Variants in SIK3 observed in about 807,000 individuals in gnomAD.
SIK3 encodes serine/threonine-protein kinase SIK3.
A neutral mutation model predicts 144.2 loss-of-function variants in SIK3; 28 were observed. The ratio of observed to expected loss-of-function variants is 0.19; its 90% CI spans 0.14 to 0.27. The LOEUF is 0.27. Among genes scored for constraint, SIK3 ranks in the 10% least tolerant of loss-of-function variants. SIK3 has a pLI of 1.00. For synonymous variants in SIK3, 686 were observed against 676.3 expected, an observed-to-expected ratio of 1.01 and a Z score of -0.22; for missense variants, 1,319 against 1,776.0, an observed-to-expected ratio of 0.74 and a Z score of 4.62.
At chr11:116,990,491 T>C (rs1325380153) in intron 1 of SIK3, among the ~76,000 whole-genome samples, 1 of 152,226 alleles carries the variant, frequency 6.6e-6, no homozygotes, top group African/African-American at 2.4e-5. Context: ...ATACGTGGTC[T>C]AATACCTTAG....
intron 22 of SIK3, among the ~76,000 whole-genome samples, chr11:116,848,303 C>T (rs546528465): frequency 3.3e-5 from 5 of 152,062 alleles, no homozygotes; most frequent in South Asian, 2.1e-4. Context: ...GCCGAGATTG[C>T]GCCACTGCAC....
At chr11:116,887,308 C>T (rs1944874855) in intron 6 of SIK3, among the ~76,000 whole-genome samples, 1 of 147,728 alleles carries the variant, frequency 6.8e-6, no homozygotes, top group Non-Finnish European at 1.5e-5. Context: ...TAATTTAGAT[C>T]ATGTTAATAA....
intron 1 of SIK3, chr11:117,035,735 T>G: frequency 8.6e-7 from 1 of 1,167,138 alleles, no homozygotes; most frequent in Non-Finnish European, 1.3e-6. Context: ...TTTTAATTTT[T>G]TTTTTTAATC....
intron 1 of SIK3, among the ~76,000 whole-genome samples, chr11:117,044,816 G>A (rs977985501): frequency 1.3e-5 from 2 of 152,104 alleles, no homozygotes; most frequent in African/African-American, 4.8e-5. Flanking sequence ...ACAGGAGTTC[G>A]AGGCTGCAGT....
intron 3 of SIK3, among the ~76,000 whole-genome samples, chr11:116,931,957 A>G (rs1203527603): frequency 6.6e-6 from 1 of 152,150 alleles, no homozygotes; most frequent in East Asian, 1.9e-4. Flanking sequence ...ACTACCTCTT[A>G]CCGGGCTTCT....
In SIK3 at chr11:116,844,642, A is replaced by ATATATATAATATATATATTATATATATAT. The variant is rs1565345727; in HGVS notation, c.*1000_*1001insATATATATATAATATATATATTATATATA. 1 of 79,496 alleles carries ATATATATAATATATATATTATATATATAT rather than the reference A, an allele frequency of 1.3e-5. No homozygotes were observed. Among genetic ancestry groups the ATATATATAATATATATATTATATATATAT allele is most frequent in the Non-Finnish European group, 2.0e-5 (1 of 50,154 alleles). The allele number at this position is 79,496 out of a possible 1,614,324, so 4.9% of individuals were successfully genotyped here. A position where few individuals can be genotyped will look rare whatever the true frequency, so the allele number is the denominator to read the frequency against. ...TAATATATATATAATATATTATATT[A>ATATATATAATATATATATTATATATATAT]TATATTATATATATAATATATATAT... On this transcript the variant is annotated 3_prime_UTR_variant, in exon 25 of 25. Transcript: ENST00000445177.
At chr11:116,851,812 C>CA (rs1942475478) in intron 21 of SIK3, among the ~76,000 whole-genome samples, 1 of 152,222 alleles carries the variant, frequency 6.6e-6, no homozygotes, top group Non-Finnish European at 1.5e-5. Context: ...CAGGGCCAAC[C>CA]AAAAACCACT....
intron 1 of SIK3, among the ~76,000 whole-genome samples, chr11:116,990,608 G>A (rs1443947155): frequency 2.6e-5 from 4 of 152,140 alleles, no homozygotes; most frequent in African/African-American, 4.8e-5. Context: ...CCAGACACAA[G>A]TATCTCCAAC....
At chr11:116,859,703 G>C (rs1343500236) in intron 19 of SIK3, 99 bp from the exon 20 acceptor site, 13 of 1,006,314 alleles carry the variant, frequency 1.3e-5, no homozygotes, top group Admixed American at 2.5e-5. Context: ...ATACCAGCTA[G>C]AACAGTGCTT....
rs2134397008 is a variant in SIK3 at position 116,858,551 on chromosome 11, G to A, written c.2914C>T (p.Pro972Ser). Residue 972 changes from proline (P) to serine (S), a missense_variant, in exon 21 of 25, where the codon CCA becomes TCA. Physicochemically the swap from Pro to Ser is moderately conservative, Grantham distance 74. Coordinates refer to ENST00000445177, the MANE Select transcript of SIK3 (RefSeq NM_001366686.3). This position sits in a 1 kb window ranked among gnomAD's most constrained non-coding sequence, Gnocchi z 5.4. Reference sequence around the variant, plus strand: ...GGGAAGGTGGGGAATTGGTCAAGTGGAGGGACTTTCAGGGCTTGGGTTGGA... The same window carrying A: ...GGGAAGGTGGGGAATTGGTCAAGTGAAGGGACTTTCAGGGCTTGGGTTGGA... ...FSPTQALKVPPLDQFPTFPPS... is the reference protein window; with the variant it reads ...FSPTQALKVPSLDQFPTFPPS... 1 of 1,613,852 alleles carries A rather than the reference G, an allele frequency of 6.2e-7. No homozygotes were observed. The highest frequency in any genetic ancestry group is 8.5e-7 in the Non-Finnish European group (1 of 1,179,944).
At chr11:117,020,712 T>C (rs921569047) in intron 1 of SIK3, among the ~76,000 whole-genome samples, 14 of 152,164 alleles carry the variant, frequency 9.2e-5, no homozygotes, top group Non-Finnish European at 1.3e-4. Flanking sequence ...GCACCCCAGC[T>C]CTACCGGGAT....
intron 1 of SIK3, among the ~76,000 whole-genome samples, chr11:117,050,681 T>C (rs1815787): frequency 0.83 from 125,827 of 151,770 alleles, 52,777 homozygotes; most frequent in Non-Finnish European, 0.89. Context: ...GAGTGAGACT[T>C]CATCTCAAAA....
rs754883415 is a variant in SIK3, at chr11:116,844,591, T to TA, written c.*1051dup. The TA allele has an allele frequency of 1.2e-3, 118 of 96,210 alleles. No individual in the cohort carries two copies. The highest frequency in any genetic ancestry group is 4.4e-3 in the African/African-American group (114 of 25,656). 6.0% of individuals were successfully genotyped at this position (96,210 alleles called of 1,614,324 possible). On this transcript the variant is annotated 3_prime_UTR_variant, in exon 25 of 25. Coordinates refer to ENST00000445177, the MANE Select transcript of SIK3 (RefSeq NM_001366686.3). ...GCTGAAAGAGGAGAGCATATATATA[T>TA]ATATTTTATATATATATTATATATA... is the stretch of plus-strand genomic sequence containing the variant.
intron 1 of SIK3, among the ~76,000 whole-genome samples, chr11:116,998,924 A>G (rs970476299): frequency 1.3e-5 from 2 of 152,232 alleles, no homozygotes; most frequent in African/African-American, 2.4e-5. Context: ...AATCAAACTA[A>G]AAGTGTATAG....
rs1293409466 is a variant in SIK3 at position 116,858,420 on chromosome 11, G to T, written c.3045C>A (p.His1015Gln). The change falls in exon 21 of 25, where the codon CAC becomes CAA. Residue 1015 changes from histidine to glutamine, a missense_variant. By Grantham distance (24) the His-to-Gln change is conservative. Coordinates refer to ENST00000445177, the MANE Select transcript of SIK3 (RefSeq NM_001366686.3). This position sits in a 1 kb window ranked among gnomAD's most constrained non-coding sequence, Gnocchi z 5.4. ...GGGGAGAAAGCAGTCCTTGAAGGAT[G>T]TGGGGTACCTGCTGGTGTCTTGTAT... ...PDYTRHQQVP[H>Q]ILQGLLSPRH... 1 of 1,611,786 alleles carries T rather than the reference G, an allele frequency of 6.2e-7. No homozygotes were observed. Among genetic ancestry groups the T allele is most frequent in the Non-Finnish European group, 8.5e-7 (1 of 1,178,796 alleles).
intron 14 of SIK3, chr11:116,869,982 T>C: frequency 1.5e-6 from 1 of 667,030 alleles, no homozygotes; most frequent in Non-Finnish European, 2.2e-6. Context: ...CTCCAATTCC[T>C]TTTCAGTAAA....
Position 116,947,184 on chromosome 11 carries a change from AAT to A in SIK3, c.454+6858_454+6859del, listed in dbSNP as rs1491357440. Among the ~76,000 whole-genome samples the A allele has an allele frequency of 5.8e-5, 7 of 121,590 alleles. 1 individual carries two copies. The highest frequency in any genetic ancestry group is 2.6e-4 in the African/African-American group (7 of 26,840). 79.8% of individuals were successfully genotyped at this position (121,590 alleles called of 152,430 possible). ...TATATATAAATTATTATTTATATAT[AAT>A]ATATTATATACAAATTATTATTTAT... On this transcript the variant is annotated intron_variant, in intron 3 of 24. Transcript: ENST00000445177.
At chr11:117,093,249 C>T (rs7950501) in intron 1 of SIK3, among the ~76,000 whole-genome samples, 25,011 of 152,160 alleles carry the variant, frequency 0.16, 2,193 homozygotes, top group Admixed American at 0.21. Flanking sequence ...TCATGTGCTT[C>T]GTTAAACTCT....
intron 16 of SIK3, among the ~76,000 whole-genome samples, chr11:116,863,164 A>G (rs913994897): frequency 2.6e-5 from 4 of 152,136 alleles, no homozygotes; most frequent in African/African-American, 9.7e-5. Context: ...GAGACAGGAG[A>G]AAAATTTAGT....
Sources: gnomAD v4.1 joint callset for allele counts (sites outside exome capture counted in the v4.1 genomes callset) on GRCh38, gnomAD v4.1.1 for gene constraint, Gnocchi (gnomAD v3.1) non-coding constraint, MANE v1.5 for transcripts, NCBI Gene and HGNC (gene_info 2026-07-23, HGNC 2026-07-21) for gene names.